The following SYN3 variants were observed in gnomAD, a reference collection of about 807,000 sequenced individuals.
SYN3 encodes the protein synapsin III.
In SYN3, 35 loss-of-function variants were observed where a neutral mutation model predicts 65.8. That is an observed-to-expected ratio of 0.53 (90% CI 0.41 to 0.70). SYN3 has a LOEUF of 0.70. SYN3 is among the 30% of genes least tolerant of loss of function. The pLI is 0.00. For missense variants in SYN3, 680 were observed against 749.0 expected, an observed-to-expected ratio of 0.91 and a Z score of 1.08; for synonymous variants, 270 against 292.9, an observed-to-expected ratio of 0.92 and a Z score of 0.80.
At chr22:32,882,786 C>T (rs1044331225) in intron 4 of SYN3, among the ~76,000 whole-genome samples, 4 of 151,884 alleles carry the variant, frequency 2.6e-5, no homozygotes, top group Non-Finnish European at 5.9e-5. Flanking sequence ...GTGTGTTCAA[C>T]TATCTATGTG....
chr22:32,608,394 G>A (rs2059398021), intron 6 of SYN3, among the ~76,000 whole-genome samples: 1 of 152,130 alleles, frequency 6.6e-6, no homozygotes, highest in Non-Finnish European at 1.5e-5. Context: ...CTTAATATGG[G>A]AATTACTGTT....
At chr22:32,958,259 A>G (rs2051529144) in intron 3 of SYN3, among the ~76,000 whole-genome samples, 1 of 152,248 alleles carries the variant, frequency 6.6e-6, no homozygotes, top group Non-Finnish European at 1.5e-5. Context: ...GACTCCCCCT[A>G]GACCCAGAGC....
chr22:32,532,361 C>T (rs529425483), intron 10 of SYN3, among the ~76,000 whole-genome samples: 18 of 152,404 alleles, frequency 1.2e-4, no homozygotes, highest in African/African-American at 2.4e-4. Flanking sequence ...GGCGAGGGAC[C>T]GGCTCCTCCA....
At chr22:32,542,410 G>A (rs1175168256) in intron 7 of SYN3, among the ~76,000 whole-genome samples, 1 of 151,700 alleles carries the variant, frequency 6.6e-6, no homozygotes, top group East Asian at 1.9e-4. Context: ...TGTATGCTAT[G>A]TGTGGTATGT....
intron 3 of SYN3, among the ~76,000 whole-genome samples, chr22:32,965,550 G>GCA: frequency 7.1e-6 from 1 of 140,308 alleles, no homozygotes; most frequent in Non-Finnish European, 1.5e-5. Context: ...GTACGTGTGT[G>GCA]TGTGTGTGTG....
chr22:32,517,931 G>C (rs935924367), intron 13 of SYN3, 112 bp downstream of exon 13: 180 of 1,219,622 alleles, frequency 1.5e-4, no homozygotes, highest in Non-Finnish European at 1.8e-4. Context: ...TGAAGTCTAG[G>C]CAAGGCCTCG....
At chr22:32,787,111 A>G (rs911728804) in intron 6 of SYN3, among the ~76,000 whole-genome samples, 34 of 148,424 alleles carry the variant, frequency 2.3e-4, no homozygotes, top group African/African-American at 8.2e-4. Context: ...GCAGTGATGC[A>G]ATCTCGGCTC....
chr22:32,966,463 G>A (rs1431970518), intron 3 of SYN3, among the ~76,000 whole-genome samples: 1 of 152,086 alleles, frequency 6.6e-6, no homozygotes, highest in Non-Finnish European at 1.5e-5. Flanking sequence ...GCAGGCAGGG[G>A]CAAGCTCATG....
chr22:32,693,592 GTTTT>G (rs1189710191), intron 6 of SYN3, among the ~76,000 whole-genome samples: 21 of 90,502 alleles, frequency 2.3e-4, no homozygotes, highest in African/African-American at 1.1e-3. Flanking sequence ...TCTGTAGCTT[GTTTT>G]TTTTTTTTTT....
intron 1 of SYN3, among the ~76,000 whole-genome samples, chr22:33,017,904 C>G (rs1273942505): frequency 6.6e-6 from 1 of 151,876 alleles, no homozygotes; most frequent in African/African-American, 2.4e-5. Context: ...AGCAAAGGCA[C>G]TAAGGTAGGA....
chr22:32,573,936 ATTT>A (rs562426253), intron 7 of SYN3, among the ~76,000 whole-genome samples: 3 of 140,576 alleles, frequency 2.1e-5, no homozygotes, highest in African/African-American at 5.3e-5. Context: ...CGCCCGGCTA[ATTT>A]TTTTTTTTTT....
chr22:32,962,966 A>C (rs2051705689), intron 3 of SYN3, among the ~76,000 whole-genome samples: 1 of 150,968 alleles, frequency 6.6e-6, no homozygotes. Context: ...TATGGGTATA[A>C]ATGTATATAT....
intron 6 of SYN3, among the ~76,000 whole-genome samples, chr22:32,778,341 T>C (rs942914289): frequency 2.6e-5 from 4 of 151,920 alleles, no homozygotes; most frequent in Admixed American, 1.3e-4. Context: ...CAGGCTGGAG[T>C]GCAGAGGCAC....
chr22:32,613,316 T>A (rs1052018831), intron 6 of SYN3, among the ~76,000 whole-genome samples: 2 of 151,974 alleles, frequency 1.3e-5, no homozygotes, highest in African/African-American at 4.8e-5. Context: ...TATGAATAAA[T>A]AAATATTGGT....
At chr22:32,558,497 C>T (rs1273444446) in intron 7 of SYN3, among the ~76,000 whole-genome samples, 3 of 152,232 alleles carry the variant, frequency 2.0e-5, no homozygotes, top group Non-Finnish European at 4.4e-5. Flanking sequence ...CATGATCTGT[C>T]CATGATCTTG....
chr22:32,887,539 C>G (rs1388894137), intron 4 of SYN3, among the ~76,000 whole-genome samples: 1 of 152,186 alleles, frequency 6.6e-6, no homozygotes, highest in African/African-American at 2.4e-5. Context: ...AAGAACTGAG[C>G]CCCAGATGAC....
chr22:32,560,039 G>A (rs1364082439), intron 7 of SYN3, among the ~76,000 whole-genome samples: 2 of 152,218 alleles, frequency 1.3e-5, no homozygotes, highest in African/African-American at 4.8e-5. Context: ...CACAACTTCA[G>A]TAAACACACT....
intron 1 of SYN3, among the ~76,000 whole-genome samples, chr22:33,055,987 A>G (rs190172568): frequency 6.6e-6 from 1 of 152,354 alleles, no homozygotes; most frequent in East Asian, 1.9e-4. Context: ...AACAAATCAT[A>G]GAGTTGTGAG....
intron 6 of SYN3, among the ~76,000 whole-genome samples, chr22:32,660,754 CATGGTGCCT>C (rs2060205872): frequency 2.6e-5 from 4 of 152,158 alleles, no homozygotes; most frequent in Non-Finnish European, 4.4e-5. Context: ...TCTTGGGATC[CATGGTGCCT>C]ACGCAGAGTC....
Sources: gnomAD v4.1 joint callset for allele counts (sites outside exome capture counted in the v4.1 genomes callset) on GRCh38, gnomAD v4.1.1 for gene constraint, MANE v1.5 for transcripts, NCBI Gene and HGNC (gene_info 2026-07-23, HGNC 2026-07-21) for gene names.